Variants in DMD observed in about 807,000 individuals in gnomAD.
DMD encodes mutant dystrophin.
In DMD, 63 loss-of-function variants were observed where a neutral mutation model predicts 330.1. The ratio of observed to expected loss-of-function variants is 0.19; its 90% CI spans 0.16 to 0.24. DMD has a LOEUF of 0.24. DMD is among the 10% of genes least tolerant of loss of function. The pLI is 1.00. For missense variants in DMD, 3,344 were observed against 2,684.1 expected (o/e 1.25, Z -5.43); for synonymous variants, 1,223 against 959.8 (o/e 1.27, Z -5.07).
chrX:32,708,626 T>A (rs997458678), intron 7 of DMD, among the ~76,000 whole-genome samples: 3 of 111,873 alleles, frequency 2.7e-5, no homozygotes, highest in Non-Finnish European at 3.8e-5. Context: ...ATTTGTGGAA[T>A]GCCTACCATG....
rs974687779 is a variant in DMD, at chrX:32,310,024, C to G, written c.6117+58G>C. The G allele has an allele frequency of 5.7e-6, 6 of 1,047,353 alleles. No individual in the cohort carries two copies. In the African/African-American group the frequency reaches 1.1e-4, roughly 20 times the overall value. The allele number at this position is 1,047,353 out of a possible 1,213,427, so 86.3% of individuals were successfully genotyped here. On this transcript the variant is annotated intron_variant, in intron 42 of 78. Coordinates refer to ENST00000357033, the MANE Select transcript of DMD (RefSeq NM_004006.3). Reference sequence around the variant, plus strand: ...ACAATTTAAGTCAATTGTTCTGGCACTATGAATGATCAGTATGATCACCTT... The same window carrying G: ...ACAATTTAAGTCAATTGTTCTGGCAGTATGAATGATCAGTATGATCACCTT...
At chrX:33,107,324 C>A (rs1263220553) in intron 1 of DMD, among the ~76,000 whole-genome samples, 4 of 55,951 alleles carry the variant, frequency 7.1e-5, no homozygotes, top group Non-Finnish European at 1.2e-4. Context: ...CCCCCCCCCC[C>A]AACACACACA....
At chrX:32,925,510 C>A (rs898834528) in intron 2 of DMD, among the ~76,000 whole-genome samples, 1 of 110,726 alleles carries the variant, frequency 9.0e-6, no homozygotes, top group Non-Finnish European at 1.9e-5. Flanking sequence ...AGTAACTGGA[C>A]TGTAACTTGA....
At chrX:33,169,229 A>G (rs777103892) in intron 1 of DMD, among the ~76,000 whole-genome samples, 32 of 111,869 alleles carry the variant, frequency 2.9e-4, no homozygotes, top group Non-Finnish European at 1.9e-5. Flanking sequence ...AATAGCTAGA[A>G]AATTTACTAG....
chrX:32,957,814 AG>A (rs2091678879), intron 2 of DMD, among the ~76,000 whole-genome samples: 1 of 111,873 alleles, frequency 8.9e-6, no homozygotes, highest in African/African-American at 3.2e-5. Context: ...TTTCCACAGA[AG>A]AAAAAATATG....
chrX:32,315,092 T>C (rs188411886), intron 41 of DMD, among the ~76,000 whole-genome samples: 1 of 112,048 alleles, frequency 8.9e-6, no homozygotes, highest in Admixed American at 9.5e-5. Flanking sequence ...TGCACACGTA[T>C]GTTTATTGCA....
At chrX:32,202,878 T>C (rs1251607017) in intron 44 of DMD, among the ~76,000 whole-genome samples, 8 of 112,126 alleles carry the variant, frequency 7.1e-5, no homozygotes, top group African/African-American at 2.6e-4. Context: ...AATTATAATG[T>C]AAAAACCCAG....
chrX:32,823,396 G>T lies in DMD; in HGVS notation c.265-9C>A. 8.7e-7 allele frequency: 1 copy of T among 1,147,964 alleles called. No homozygotes were observed. Among genetic ancestry groups the T allele is most frequent in the Non-Finnish European group, 1.2e-6 (1 of 838,048 alleles). The allele number at this position is 1,147,964 out of a possible 1,213,427, so 94.6% of individuals were successfully genotyped here. A position where few individuals can be genotyped will look rare whatever the true frequency, so the allele number is the denominator to read the frequency against. ...ATATTCACTAAATCAACCTGTTAAA[G>T]AAAGGGGTAAAACATTTGAAGGTAA... On this transcript the variant is annotated splice_polypyrimidine_tract_variant and intron_variant, in intron 4 of 78. Transcript: ENST00000357033.
chrX:32,148,068 G>A (rs1237960187), intron 44 of DMD, among the ~76,000 whole-genome samples: 2 of 109,237 alleles, frequency 1.8e-5, no homozygotes, highest in African/African-American at 3.3e-5. Flanking sequence ...TAGTAGAGAC[G>A]GGGTTTCACC....
At chrX:31,368,698 T>G (rs1284589588) in intron 60 of DMD, among the ~76,000 whole-genome samples, 3 of 108,951 alleles carry the variant, frequency 2.8e-5, no homozygotes, top group Non-Finnish European at 5.7e-5. Context: ...CAGGCTGGAG[T>G]GCAGTGGTGC....
At chrX:32,335,899 TAC>T (rs199571048) in intron 41 of DMD, among the ~76,000 whole-genome samples, 1 of 105,608 alleles carries the variant, frequency 9.5e-6, no homozygotes, top group Admixed American at 1.0e-4. Context: ...TAACATGTTA[TAC>T]ATATAACGTG....
At chrX:33,253,929 A>T (rs113319979) in intron 1 of DMD, among the ~76,000 whole-genome samples, 4,782 of 111,004 alleles carry the variant, frequency 0.043, 286 homozygotes, top group African/African-American at 0.15. Context: ...TTAATATTTT[A>T]AAATAGTTTC....
chrX:33,290,993 A>G (rs1389331268), intron 1 of DMD, among the ~76,000 whole-genome samples: 5 of 111,545 alleles, frequency 4.5e-5, no homozygotes, highest in African/African-American at 6.5e-5. Flanking sequence ...ATGAACATCA[A>G]TGCAAAAATC....
At chrX:33,329,349 A>G (rs2054136455) in intron 1 of DMD, among the ~76,000 whole-genome samples, 1 of 112,130 alleles carries the variant, frequency 8.9e-6, no homozygotes, top group African/African-American at 3.2e-5. Context: ...TTGAAAAACT[A>G]CGTGGCATTT....
intron 41 of DMD, among the ~76,000 whole-genome samples, chrX:32,311,405 C>T (rs1216617891): frequency 1.8e-5 from 2 of 111,309 alleles, no homozygotes; most frequent in African/African-American, 6.5e-5. Flanking sequence ...GTAAAATTTA[C>T]AAGCTGGTCA....
chrX:33,019,176 A>G (rs763029461), intron 2 of DMD, among the ~76,000 whole-genome samples: 1 of 111,713 alleles, frequency 9.0e-6, no homozygotes, highest in South Asian at 3.7e-4. Flanking sequence ...AATCAGACCC[A>G]TAGAGGGAGT....
At chrX:31,141,201 AAACAACAACAACAAC>A (rs34805586) in intron 76 of DMD, among the ~76,000 whole-genome samples, 3 of 105,892 alleles carry the variant, frequency 2.8e-5, no homozygotes, top group East Asian at 2.8e-4. Context: ...CACACAAAAG[AAACAACAACAACAAC>A]AACAACAACA....
At chrX:32,080,919 T>C (rs370776094) in intron 44 of DMD, among the ~76,000 whole-genome samples, 1 of 112,227 alleles carries the variant, frequency 8.9e-6, no homozygotes, top group African/African-American at 3.2e-5. Flanking sequence ...TTTGGTCAAT[T>C]GGGAAACAGC....
intron 1 of DMD, among the ~76,000 whole-genome samples, chrX:33,091,206 T>G (rs1011123669): frequency 1.8e-5 from 2 of 111,575 alleles, no homozygotes; most frequent in African/African-American, 6.5e-5. Flanking sequence ...AATTTAAAAT[T>G]TATAGTTTAA....
Sources: allele counts gnomAD v4.1 joint callset (sites outside exome capture counted in the v4.1 genomes callset), GRCh38; gene constraint gnomAD v4.1.1; transcripts MANE v1.5; gene names NCBI Gene and HGNC (gene_info 2026-07-23, HGNC 2026-07-21).